The following SCAPER variants were observed in gnomAD, a reference collection of about 807,000 sequenced individuals.
SCAPER encodes S-phase cyclin A associated protein in the ER, also known as S phase cyclin A-associated protein in the endoplasmic reticulum.
Under a neutral mutation model 182.2 loss-of-function variants are expected in SCAPER, and 98 were observed. The observed-to-expected ratio is 0.54, with a 90% CI of 0.46 to 0.64. SCAPER has a LOEUF of 0.64. Among genes scored for constraint, SCAPER ranks in the 30% least tolerant of loss-of-function variants. The pLI is 0.00. For missense variants in SCAPER, 1,432 were observed against 1,690.0 expected, an observed-to-expected ratio of 0.85 and a Z score of 2.68; for synonymous variants, 605 against 564.6, an observed-to-expected ratio of 1.07 and a Z score of -1.01.
rs557928551 is a variant in SCAPER at position 76,699,089 on chromosome 15, G to A, written c.2508+2669C>T. ...TTTGATGTTGTTGCTGTGTAGAAAC[G>A]CTACTGATTTTTCTACATTCATTTT... On this transcript the variant is annotated intron_variant, in intron 20 of 31. Transcript: ENST00000563290. Among the ~76,000 whole-genome samples, 8 of 152,224 alleles carry A rather than the reference G, an allele frequency of 5.3e-5. 1 individual carries two copies. Among genetic ancestry groups the A allele is most frequent in the South Asian group, 2.1e-4 (1 of 4,820 alleles).
intron 14 of SCAPER, among the ~76,000 whole-genome samples, chr15:76,760,649 TACA>T (rs1396685512): frequency 6.6e-6 from 1 of 152,190 alleles, no homozygotes; most frequent in African/African-American, 2.4e-5. Flanking sequence ...GTACCCTTAT[TACA>T]ACAAAAGATG....
intron 26 of SCAPER, among the ~76,000 whole-genome samples, chr15:76,427,680 T>C (rs984892087): frequency 6.6e-6 from 1 of 152,046 alleles, no homozygotes; most frequent in Non-Finnish European, 1.5e-5. Flanking sequence ...ACCCTGTCTC[T>C]ATAAAAAAAA....
intron 27 of SCAPER, among the ~76,000 whole-genome samples, chr15:76,384,417 ACTG>A (rs2141967795): frequency 6.6e-6 from 1 of 152,324 alleles, no homozygotes; most frequent in African/African-American, 2.4e-5. Context: ...ACAAGAATTC[ACTG>A]CTATTTCCTC....
intron 17 of SCAPER, among the ~76,000 whole-genome samples, chr15:76,710,132 T>C (rs35963712): frequency 4.6e-5 from 7 of 152,166 alleles, no homozygotes; most frequent in East Asian, 1.9e-4. Context: ...ACAACTTCCA[T>C]TGAACATTAC....
At chr15:76,476,459 T>C (rs1039812126) in intron 24 of SCAPER, among the ~76,000 whole-genome samples, 4 of 151,880 alleles carry the variant, frequency 2.6e-5, no homozygotes, top group African/African-American at 4.8e-5. Flanking sequence ...TACAGGGTGT[T>C]GTTCTGTCAC....
At chr15:76,614,177 A>G (rs1020413039) in intron 22 of SCAPER, among the ~76,000 whole-genome samples, 1 of 152,196 alleles carries the variant, frequency 6.6e-6, no homozygotes, top group Admixed American at 6.5e-5. Context: ...GTTCTCATTT[A>G]TAAGTGGGAG....
At chr15:76,426,469 G>A (rs554059055) in intron 26 of SCAPER, among the ~76,000 whole-genome samples, 11 of 152,246 alleles carry the variant, frequency 7.2e-5, no homozygotes, top group East Asian at 1.9e-4. Flanking sequence ...GAAATCACCC[G>A]TCTTCTGCGT....
intron 21 of SCAPER, among the ~76,000 whole-genome samples, chr15:76,651,670 C>A (rs1301034594): frequency 4.0e-5 from 6 of 150,290 alleles, no homozygotes; most frequent in African/African-American, 4.9e-5. Flanking sequence ...AGATTCACAG[C>A]CAAATTCTAC....
intron 23 of SCAPER, among the ~76,000 whole-genome samples, chr15:76,511,645 C>T (rs775832341): frequency 1.3e-5 from 2 of 152,020 alleles, no homozygotes; most frequent in African/African-American, 2.4e-5. Flanking sequence ...TAAACTGTTC[C>T]TTTTCAGGAA....
chr15:76,764,124 G>A (rs753726282), intron 14 of SCAPER, among the ~76,000 whole-genome samples: 5 of 152,246 alleles, frequency 3.3e-5, no homozygotes, highest in Non-Finnish European at 5.9e-5. Flanking sequence ...CAATTGCTCA[G>A]ATGGGAGCAA....
intron 16 of SCAPER, among the ~76,000 whole-genome samples, chr15:76,731,673 T>C (rs2060928674): frequency 6.6e-6 from 1 of 152,236 alleles, no homozygotes; most frequent in Non-Finnish European, 1.5e-5. Flanking sequence ...AGTGGATTTT[T>C]CTGACTATCT....
chr15:76,461,674 G>C (rs1053801449), intron 25 of SCAPER, among the ~76,000 whole-genome samples: 2 of 152,090 alleles, frequency 1.3e-5, no homozygotes, highest in African/African-American at 4.8e-5. Flanking sequence ...TCATAAAGTT[G>C]TTTTAATATC....
chr15:76,546,876 T>C (rs922759243), intron 23 of SCAPER, among the ~76,000 whole-genome samples: 9 of 152,234 alleles, frequency 5.9e-5, no homozygotes, highest in Admixed American at 5.9e-4. Flanking sequence ...AATAAATGAG[T>C]CAATGACCTG....
intron 20 of SCAPER, among the ~76,000 whole-genome samples, chr15:76,698,434 C>G (rs1030529149): frequency 6.6e-5 from 10 of 152,118 alleles, no homozygotes; most frequent in African/African-American, 2.2e-4. Flanking sequence ...CTGGACTAAT[C>G]TAATGCCAAA....
At position 76,404,673 on chromosome 15, in the gene SCAPER, C is replaced by T; in HGVS notation, c.3318G>A (p.Val1106=). Residue 1106 remains valine, a synonymous_variant, in exon 27 of 32, where the codon GTG becomes GTA. Coordinates refer to ENST00000563290, the MANE Select transcript of SCAPER (RefSeq NM_020843.4). The stretch of plus-strand genomic sequence containing the variant: ...GTTTGTCAATCAGACCCATGTTCAC[C>T]ACGTAGCTAGATATGGGGGAGAAAT... ...NNRVQDLISY[V]VNMGLIDKLC... is the part of the protein sequence containing the mutation. 1 of 1,610,298 alleles carries T rather than the reference C, an allele frequency of 6.2e-7. No homozygotes were observed. The highest frequency in any genetic ancestry group is 8.5e-7 in the Non-Finnish European group (1 of 1,178,496).
chr15:76,755,118 A>G (rs1229581675), intron 14 of SCAPER, among the ~76,000 whole-genome samples: 2 of 152,216 alleles, frequency 1.3e-5, no homozygotes, highest in Non-Finnish European at 2.9e-5. Context: ...ATATTTAGAT[A>G]AAAGAAAATA....
At chr15:76,417,654 T>C (rs141217564) in intron 26 of SCAPER, among the ~76,000 whole-genome samples, 66 of 152,304 alleles carry the variant, frequency 4.3e-4, no homozygotes, top group African/African-American at 1.5e-3. Context: ...GTGGTCAGGG[T>C]CTGGTGGCCA....
intron 20 of SCAPER, among the ~76,000 whole-genome samples, chr15:76,683,229 G>A (rs527877438): frequency 6.6e-6 from 1 of 152,174 alleles, no homozygotes; most frequent in East Asian, 1.9e-4. Context: ...TGATAGAGCT[G>A]AAAAACTCAC....
chr15:76,773,935 T>G (rs2063606359), intron 9 of SCAPER, among the ~76,000 whole-genome samples: 1 of 151,888 alleles, frequency 6.6e-6, no homozygotes. Context: ...AACCTTTATA[T>G]AAACAAATAC....
Sources: allele counts gnomAD v4.1 joint callset (sites outside exome capture counted in the v4.1 genomes callset), GRCh38; gene constraint gnomAD v4.1.1; transcripts MANE v1.5; gene names NCBI Gene and HGNC (gene_info 2026-07-23, HGNC 2026-07-21).